SIPA1L2: variants seen among roughly 807,000 people sequenced by gnomAD.
SIPA1L2 encodes signal-induced proliferation-associated 1-like protein 2.
Under a neutral mutation model 163.9 loss-of-function variants are expected in SIPA1L2, and 56 were observed. The observed-to-expected ratio is 0.34, with a 90% CI of 0.28 to 0.43. The LOEUF is 0.43. Among genes scored for constraint, SIPA1L2 ranks in the 20% least tolerant of loss-of-function variants. SIPA1L2 has a pLI of 1.00. For missense variants in SIPA1L2, 1,974 were observed against 2,193.5 expected (o/e 0.90, Z 2.00); for synonymous variants, 877 against 865.7 (o/e 1.01, Z -0.23).
intron 2 of SIPA1L2, among the ~76,000 whole-genome samples, chr1:232,518,765 T>C (rs1478800243): frequency 6.6e-6 from 1 of 152,180 alleles, no homozygotes; most frequent in African/African-American, 2.4e-5. Context: ...TGTGTGTCTC[T>C]CCCCAGGAGA....
At chr1:232,438,586 C>A (rs1203039819) in intron 15 of SIPA1L2, among the ~76,000 whole-genome samples, 1 of 152,256 alleles carries the variant, frequency 6.6e-6, no homozygotes, top group Non-Finnish European at 1.5e-5. Context: ...CTAGTCTTTA[C>A]TGAATGAACC....
chr1:232,439,173 G>A lies in SIPA1L2; in HGVS notation c.3966C>T (p.Thr1322=). 2 of 1,613,476 alleles carry A rather than the reference G, an allele frequency of 1.2e-6. No individual in the cohort carries two copies. Among genetic ancestry groups the A allele is most frequent in the Non-Finnish European group, 1.7e-6 (2 of 1,179,924 alleles). The change falls in exon 15 of 23, where the codon ACC becomes ACT. Residue 1322 remains threonine, a synonymous_variant. Transcript: ENST00000674635. ...CTTCCGCAGCACTGCCGGCGGAGAT[G>A]GTGGACGCGTAGCCATGCACAGAAT... ...KLYSVHGYAS[T]ISAGSAAEGS...
intron 3 of SIPA1L2, among the ~76,000 whole-genome samples, chr1:232,506,447 C>T (rs1047021592): frequency 2.0e-5 from 3 of 152,010 alleles, no homozygotes; most frequent in Admixed American, 6.6e-5. Flanking sequence ...GTCATTTGCC[C>T]GCCATTCACA....
At chr1:232,453,078 G>GA (rs1033184408) in intron 10 of SIPA1L2, among the ~76,000 whole-genome samples, 4 of 152,026 alleles carry the variant, frequency 2.6e-5, no homozygotes, top group Admixed American at 2.6e-4. Flanking sequence ...CTTTCAAATT[G>GA]AAAAAAATCT....
chr1:232,449,464 G>A (rs765853763), intron 10 of SIPA1L2, among the ~76,000 whole-genome samples: 4 of 149,844 alleles, frequency 2.7e-5, no homozygotes, highest in Non-Finnish European at 5.9e-5. Context: ...CTTGCAGTGA[G>A]CTGAGATAGT....
intron 1 of SIPA1L2, among the ~76,000 whole-genome samples, chr1:232,600,515 G>A (rs1212265677): frequency 6.6e-6 from 1 of 152,212 alleles, no homozygotes; most frequent in African/African-American, 2.4e-5. Context: ...TGGGTTACTA[G>A]GGTGACTGAG....
At chr1:232,484,566 C>T (rs974800381) in intron 5 of SIPA1L2, among the ~76,000 whole-genome samples, 51 of 152,134 alleles carry the variant, frequency 3.4e-4, no homozygotes, top group African/African-American at 1.2e-3. Flanking sequence ...CGATTACATT[C>T]ATTTGTTACA....
At chr1:232,562,716 T>C (rs1476461600) in intron 2 of SIPA1L2, among the ~76,000 whole-genome samples, 1 of 152,210 alleles carries the variant, frequency 6.6e-6, no homozygotes, top group Admixed American at 6.5e-5. Flanking sequence ...TGACTCTGTT[T>C]AGTCCACTTG....
At chr1:232,442,070 C>T (rs1448443336) in intron 12 of SIPA1L2, among the ~76,000 whole-genome samples, 1 of 152,034 alleles carries the variant, frequency 6.6e-6, no homozygotes, top group Non-Finnish European at 1.5e-5. Context: ...TCTGGTTTAA[C>T]CAGAGGGTCA....
intron 1 of SIPA1L2, among the ~76,000 whole-genome samples, chr1:232,590,924 G>T (rs1267866832): frequency 1.3e-5 from 2 of 152,206 alleles, no homozygotes; most frequent in African/African-American, 2.4e-5. Context: ...ACTGTGCTTT[G>T]TAAGAGTTTC....
intron 9 of SIPA1L2, among the ~76,000 whole-genome samples, chr1:232,461,917 C>T (rs748503340): frequency 1.3e-5 from 2 of 152,172 alleles, no homozygotes; most frequent in Non-Finnish European, 2.9e-5. Context: ...CAGCCAGACT[C>T]CTTGGCCATC....
rs1192868412 is a variant in SIPA1L2 at position 232,425,578 on chromosome 1, C to A, written c.4630+11G>T. On this transcript the variant is annotated intron_variant, in intron 18 of 22. Coordinates refer to ENST00000674635, the MANE Select transcript of SIPA1L2 (RefSeq NM_020808.5). The stretch of plus-strand genomic sequence containing the variant: ...CGGCGCTGGCCAGGGAGCAGCCAGC[C>A]CCTCACTTACTTCTCAGGCTCCCCA... 5.1e-6 allele frequency: 8 copies of A among 1,556,032 alleles called. No homozygotes were observed. Among genetic ancestry groups the A allele is most frequent in the Non-Finnish European group, 8.7e-7 (1 of 1,145,902 alleles).
At chr1:232,599,621 T>C (rs1412316345) in intron 1 of SIPA1L2, among the ~76,000 whole-genome samples, 1 of 152,148 alleles carries the variant, frequency 6.6e-6, no homozygotes, top group African/African-American at 2.4e-5. Context: ...TGAGTTTTGG[T>C]GAGAGCGGCT....
At chr1:232,604,616 G>A (rs551680468) in intron 1 of SIPA1L2, among the ~76,000 whole-genome samples, 1 of 152,308 alleles carries the variant, frequency 6.6e-6, no homozygotes, top group African/African-American at 2.4e-5. Context: ...TTTTGAGACA[G>A]AGTGATGTGG....
At chr1:232,508,223 A>G (rs1666818885) in intron 3 of SIPA1L2, among the ~76,000 whole-genome samples, 1 of 152,142 alleles carries the variant, frequency 6.6e-6, no homozygotes, top group South Asian at 2.1e-4. Context: ...CTGAGTCACC[A>G]CGGAGGCCCA....
chr1:232,630,374 G>T (rs1243277056), upstream of SIPA1L2, among the ~76,000 whole-genome samples: 1 of 152,080 alleles, frequency 6.6e-6, no homozygotes, highest in Non-Finnish European at 1.5e-5. Flanking sequence ...TTGGGGAGGG[G>T]GCTGCGGGGC....
At chr1:232,475,045 G>A (rs1413616455) in intron 7 of SIPA1L2, among the ~76,000 whole-genome samples, 1 of 152,194 alleles carries the variant, frequency 6.6e-6, no homozygotes, top group African/African-American at 2.4e-5. Flanking sequence ...GAAGAGGAAG[G>A]TCATCTGCAG....
At chr1:232,518,616 C>T (rs1558240272) in intron 2 of SIPA1L2, among the ~76,000 whole-genome samples, 1 of 152,152 alleles carries the variant, frequency 6.6e-6, no homozygotes, top group Non-Finnish European at 1.5e-5. Flanking sequence ...AATGGAGCAT[C>T]CACTGCTTGA....
At chr1:232,402,048 T>C (rs1347030774) in intron 22 of SIPA1L2, among the ~76,000 whole-genome samples, 1 of 152,190 alleles carries the variant, frequency 6.6e-6, no homozygotes, top group African/African-American at 2.4e-5. Context: ...CTGGCAGCAA[T>C]GGACTCCTCT....
Sources: gnomAD v4.1 joint callset for allele counts (sites outside exome capture counted in the v4.1 genomes callset) on GRCh38, gnomAD v4.1.1 for gene constraint, MANE v1.5 for transcripts, NCBI Gene and HGNC (gene_info 2026-07-23, HGNC 2026-07-21) for gene names.